ZSCAN25: variants seen among roughly 807,000 people sequenced by gnomAD.
The protein encoded by ZSCAN25 is zinc finger and SCAN domain containing 25.
Under a neutral mutation model 38.7 loss-of-function variants are expected in ZSCAN25, and 27 were observed. The observed-to-expected ratio is 0.70, with a 90% CI of 0.51 to 0.96. The LOEUF (loss-of-function observed/expected upper bound fraction) is 0.96. Among genes scored for constraint, ZSCAN25 ranks in the 40% least tolerant of loss-of-function variants. The pLI, the probability that ZSCAN25 is intolerant of heterozygous loss-of-function variation, is 0.00. For missense variants in ZSCAN25, 637 were observed against 705.9 expected (o/e 0.90, Z 1.11); for synonymous variants, 273 against 277.7 (o/e 0.98, Z 0.17).
the ZSCAN25 span, among the ~76,000 whole-genome samples, chr7:99,732,745 G>A: frequency 1.3e-5 from 2 of 152,092 alleles, no homozygotes; most frequent in African/African-American, 2.4e-5. Context: ...AGGCAAATTA[G>A]GAAAATGTGG....
the ZSCAN25 span, among the ~76,000 whole-genome samples, chr7:99,699,499 A>C: frequency 3.3e-5 from 5 of 152,232 alleles, no homozygotes; most frequent in South Asian, 2.1e-4. Flanking sequence ...CCACAGAGGA[A>C]AAACTTCTAC....
chr7:99,665,073 A>T, the ZSCAN25 span: 1 of 1,103,338 alleles, frequency 9.1e-7, no homozygotes, highest in East Asian at 2.6e-5. Context: ...ATGGAATTGT[A>T]CCTTTTAAGT....
chr7:99,646,211 C>A, the ZSCAN25 span, among the ~76,000 whole-genome samples: 1 of 152,152 alleles, frequency 6.6e-6, no homozygotes, highest in South Asian at 2.1e-4. Flanking sequence ...GTATTGTGGG[C>A]ATTTTTAACA....
chr7:99,730,440 T>C, the ZSCAN25 span: 1 of 153,424 alleles, frequency 6.5e-6, no homozygotes, highest in Non-Finnish European at 1.5e-5. Context: ...GCAGAACACT[T>C]TTGTTCTGTG....
At chr7:99,647,936 GTCA>G in the ZSCAN25 span, 12 of 983,210 alleles carry the variant, frequency 1.2e-5, no homozygotes, top group East Asian at 1.1e-4. Context: ...CACTATTAGA[GTCA>G]TCATGATAAT....
At chr7:99,664,015 T>G in the ZSCAN25 span, 1 of 1,599,314 alleles carries the variant, frequency 6.3e-7, no homozygotes, top group East Asian at 2.2e-5. Context: ...TTTACAGATT[T>G]ACTTAAAAAA....
downstream of ZSCAN25, among the ~76,000 whole-genome samples, chr7:99,632,989 G>GTTGTTGTTTTTTTTTTTTTTTTTTTTT (rs1554412109): frequency 5.4e-5 from 7 of 128,562 alleles, 1 homozygote; most frequent in African/African-American, 2.1e-4. Context: ...ATTTTCTGTT[G>GTTGTTGTTTTTTTTTTTTTTTTTTTTT]TTTTTTTTTT....
chr7:99,701,549 G>T, the ZSCAN25 span, among the ~76,000 whole-genome samples: 1 of 152,184 alleles, frequency 6.6e-6, no homozygotes, highest in South Asian at 2.1e-4. Context: ...TATAGTGGTT[G>T]TAATAATTTA....
chr7:99,702,589 C>G, the ZSCAN25 span, among the ~76,000 whole-genome samples: 1 of 152,130 alleles, frequency 6.6e-6, no homozygotes, highest in Non-Finnish European at 1.5e-5. Context: ...GTGCTCTATT[C>G]TATTTCATTG....
the ZSCAN25 span, among the ~76,000 whole-genome samples, chr7:99,640,397 A>G: frequency 6.6e-6 from 1 of 152,084 alleles, no homozygotes; most frequent in African/African-American, 2.4e-5. Context: ...AGCTCAGGTG[A>G]TCCATCCGCC....
chr7:99,626,272 T>C (rs1311855007), intron 7 of ZSCAN25, among the ~76,000 whole-genome samples: 1 of 152,052 alleles, frequency 6.6e-6, no homozygotes, highest in Non-Finnish European at 1.5e-5. Context: ...AGATGAGTGC[T>C]CAGAGGAGTA....
At chr7:99,715,657 A>C in the ZSCAN25 span, 1 of 1,583,924 alleles carries the variant, frequency 6.3e-7, no homozygotes, top group East Asian at 2.3e-5. Context: ...AAACCATTAA[A>C]CTGTACATTT....
the ZSCAN25 span, chr7:99,663,013 T>A: frequency 6.9e-7 from 1 of 1,452,338 alleles, no homozygotes; most frequent in Non-Finnish European, 9.1e-7. Context: ...TGAAGACGTG[T>A]TACCTGAGTC....
the ZSCAN25 span, chr7:99,713,332 T>C: frequency 7.3e-7 from 1 of 1,376,760 alleles, no homozygotes; most frequent in East Asian, 2.5e-5. Context: ...CCAGCTACCA[T>C]TTTAACATCC....
the ZSCAN25 span, among the ~76,000 whole-genome samples, chr7:99,728,607 C>T: frequency 1.3e-5 from 2 of 152,202 alleles, no homozygotes; most frequent in Non-Finnish European, 2.9e-5. Context: ...GTACATATGT[C>T]TATCTGCTAA....
chr7:99,622,422 G>A (rs938544581), intron 5 of ZSCAN25, 127 bp from the exon 6 acceptor site: 24 of 868,196 alleles, frequency 2.8e-5, no homozygotes, highest in African/African-American at 2.5e-4. Flanking sequence ...AGAGTGAAAA[G>A]GGATTCTGTC....
chr7:99,686,759 C>G, the ZSCAN25 span, among the ~76,000 whole-genome samples: 3 of 151,816 alleles, frequency 2.0e-5, no homozygotes, highest in Non-Finnish European at 2.9e-5. Flanking sequence ...CACCCCCCCC[C>G]CAGTAGGGGC....
the ZSCAN25 span, among the ~76,000 whole-genome samples, chr7:99,641,906 G>T: frequency 2.6e-5 from 4 of 152,138 alleles, no homozygotes; most frequent in African/African-American, 9.7e-5. Flanking sequence ...CTCTATCCAA[G>T]AACCAGATAA....
At chr7:99,726,051 A>G in the ZSCAN25 span, among the ~76,000 whole-genome samples, 6 of 152,182 alleles carry the variant, frequency 3.9e-5, no homozygotes, top group Admixed American at 2.0e-4. Flanking sequence ...TAACCAAATT[A>G]TCTGCTTCTC....
Sources: allele counts gnomAD v4.1 joint callset (sites outside exome capture counted in the v4.1 genomes callset), GRCh38; gene constraint gnomAD v4.1.1; transcripts MANE v1.5; gene names NCBI Gene and HGNC (gene_info 2026-07-23, HGNC 2026-07-21).